The following DUSP16 variants were observed in gnomAD, a reference collection of about 807,000 sequenced individuals.
The protein encoded by DUSP16 is dual specificity protein phosphatase 16.
Under a neutral mutation model 58.3 loss-of-function variants are expected in DUSP16, and 21 were observed. The ratio of observed to expected loss-of-function variants is 0.36; its 90% CI spans 0.26 to 0.52. The LOEUF is 0.52. Among genes scored for constraint, DUSP16 ranks in the 20% least tolerant of loss-of-function variants. DUSP16 has a pLI of 0.94. For missense variants in DUSP16, 726 were observed against 819.0 expected, an observed-to-expected ratio of 0.89 and a Z score of 1.39; for synonymous variants, 320 against 323.8, an observed-to-expected ratio of 0.99 and a Z score of 0.12.
intron 1 of DUSP16, among the ~76,000 whole-genome samples, chr12:12,548,411 G>A (rs1944677725): frequency 6.6e-6 from 1 of 151,946 alleles, no homozygotes; most frequent in African/African-American, 2.4e-5. Context: ...CGAGGCAGGC[G>A]GCCTGAGGTC....
intron 1 of DUSP16, among the ~76,000 whole-genome samples, chr12:12,538,682 T>G (rs61913556): frequency 6.6e-6 from 1 of 152,178 alleles, no homozygotes; most frequent in Non-Finnish European, 1.5e-5. Flanking sequence ...CAGCCTGCCA[T>G]GAAGTTACAG....
chr12:12,500,390 G>C (rs1408394524), intron 4 of DUSP16, 129 bp downstream of exon 4: 2 of 1,083,728 alleles, frequency 1.8e-6, no homozygotes, highest in East Asian at 2.7e-5. Flanking sequence ...CTGTTACCTG[G>C]GGAGCACACT....
At chr12:12,482,020 G>A (rs1399989273) in intron 5 of DUSP16, among the ~76,000 whole-genome samples, 1 of 152,222 alleles carries the variant, frequency 6.6e-6, no homozygotes, top group African/African-American at 2.4e-5. Context: ...ATGTGTATGT[G>A]TGAGAATATG....
rs1944922731 is a variant in DUSP16 at position 12,562,504 on chromosome 12, C to G, written c.-753G>C. ...GGGGGGAGAGAGAGGTGGTAATAAT[C>G]GTTTAAAAACTGATTAAAGCCCCCC... On this transcript the variant is annotated 5_prime_UTR_variant, in exon 1 of 7. Coordinates refer to ENST00000298573, the MANE Select transcript of DUSP16 (RefSeq NM_030640.3). 1 of 126,188 alleles carries G rather than the reference C, an allele frequency of 7.9e-6. No homozygotes were observed. The highest frequency in any genetic ancestry group is 3.1e-5 in the African/African-American group (1 of 32,174). The allele number at this position is 126,188 out of a possible 1,614,324, so 7.8% of individuals were successfully genotyped here.
Position 12,477,747 on chromosome 12 carries a change from T to C in DUSP16, c.1084A>G (p.Ser362Gly). Residue 362 changes from serine (S) to glycine (G), a missense_variant, in exon 7 of 7, where the codon AGC (serine) becomes GGC (glycine). Physicochemically the swap from Ser to Gly is moderately conservative, Grantham distance 56. Transcript: ENST00000298573. This position sits in a 1 kb window ranked among gnomAD's most constrained non-coding sequence, Gnocchi z 4.1. ...AGCGACGGCTGCACGCTGGGCACGC[T>C]GGGCACGCTGGCGGGATGCACGGGC... ...QRPVHPASVPSVPSVQPSLLE... is the reference protein window; with the variant it reads ...QRPVHPASVPGVPSVQPSLLE... The C allele has an allele frequency of 1.9e-6, 3 of 1,613,586 alleles. No individual in the cohort carries two copies. The highest frequency in any genetic ancestry group is 2.2e-5 in the East Asian group (1 of 44,848).
In DUSP16 at chr12:12,562,600, T is replaced by C. The variant is rs1944924805; in HGVS notation, c.-849A>G. 6.7e-6 allele frequency among the ~76,000 whole-genome samples: 1 copy of C among 150,204 alleles called. No homozygotes were observed. Among genetic ancestry groups the C allele is most frequent in the African/African-American group, 2.5e-5 (1 of 40,730 alleles). On this transcript the variant is annotated 5_prime_UTR_variant, in exon 1 of 7. Transcript: ENST00000298573. ...GGGGGGTTGGGGGAAAGAGAAAGAG[T>C]CGCTGGTCAGGAAACTTCAAGCGCG...
intron 1 of DUSP16, among the ~76,000 whole-genome samples, chr12:12,544,585 A>G (rs1396357628): frequency 6.6e-6 from 1 of 152,082 alleles, no homozygotes; most frequent in East Asian, 1.9e-4. Flanking sequence ...TCCATACATG[A>G]GGGTTCTAGT....
At chr12:12,535,582 C>T (rs184943734) in intron 1 of DUSP16, among the ~76,000 whole-genome samples, 5 of 152,202 alleles carry the variant, frequency 3.3e-5, no homozygotes, top group Admixed American at 3.3e-4. Context: ...CTCTAAAATA[C>T]CAATATGTCA....
At chr12:12,549,108 G>A (rs960352495) in intron 1 of DUSP16, among the ~76,000 whole-genome samples, 1 of 151,954 alleles carries the variant, frequency 6.6e-6, no homozygotes, top group Non-Finnish European at 1.5e-5. Flanking sequence ...ATGAGTAACT[G>A]CCCAAAACCC....
chr12:12,507,196 C>G (rs151304574), intron 3 of DUSP16, among the ~76,000 whole-genome samples: 180 of 152,260 alleles, frequency 1.2e-3, no homozygotes, highest in Non-Finnish European at 2.0e-3. Flanking sequence ...ACATAATAAA[C>G]AAAAGTAGCA....
At chr12:12,504,351 T>A (rs1943953680) in intron 3 of DUSP16, among the ~76,000 whole-genome samples, 1 of 152,080 alleles carries the variant, frequency 6.6e-6, no homozygotes, top group Non-Finnish European at 1.5e-5. Context: ...AACCTCTGCC[T>A]CCCAGGCTCA....
At chr12:12,544,922 C>A (rs1190326945) in intron 1 of DUSP16, among the ~76,000 whole-genome samples, 1 of 152,078 alleles carries the variant, frequency 6.6e-6, no homozygotes, top group African/African-American at 2.4e-5. Flanking sequence ...CCATTTTAAT[C>A]ATAAATTAGT....
At position 12,477,394 on chromosome 12, in the gene DUSP16, G is replaced by C; in HGVS notation, c.1437C>G (p.Ser479Arg). The change falls in exon 7 of 7, where the codon AGC becomes AGG. Residue 479 changes from serine to arginine, a missense_variant. By Grantham distance (110) the Ser-to-Arg change is moderately radical (BLOSUM62 -1). Coordinates refer to ENST00000298573, the MANE Select transcript of DUSP16 (RefSeq NM_030640.3). The surrounding 1 kb of genome is among the most constrained non-coding windows in gnomAD (Gnocchi z 4.1). ...TGACCGAATGCAATCGCTTGCTCTG[G>C]CTGTCTGAAGGCCTGGCGGTCTGCA... ...KKLQTARPSD[S>R]QSKRLHSVRT... is the part of the protein sequence containing the mutation. 1 of 1,612,944 alleles carries C rather than the reference G, an allele frequency of 6.2e-7. No homozygotes were observed. Among genetic ancestry groups the C allele is most frequent in the Non-Finnish European group, 8.5e-7 (1 of 1,179,270 alleles).
chr12:12,547,044 C>T (rs1004856170), intron 1 of DUSP16, among the ~76,000 whole-genome samples: 3 of 152,160 alleles, frequency 2.0e-5, no homozygotes, highest in Non-Finnish European at 2.9e-5. Flanking sequence ...TTTAGAAATA[C>T]TTCTTTATAC....
Position 12,477,563 on chromosome 12 carries a change from G to A in DUSP16, c.1268C>T (p.Ser423Leu). Residue 423 changes from serine (S) to leucine (L), a missense_variant, in exon 7 of 7, where the codon TCA (serine) becomes TTA (leucine). By Grantham distance (145) the Ser-to-Leu change is moderately radical. Coordinates refer to ENST00000298573, the MANE Select transcript of DUSP16 (RefSeq NM_030640.3). The surrounding 1 kb of genome is among the most constrained non-coding windows in gnomAD (Gnocchi z 4.1). ...TTTGTAGTATTCCAAAGCATCTTCTGATGAGGAGAAGCCATGTAAGGATGC... is the reference window on the plus strand; with the variant it reads ...TTTGTAGTATTCCAAAGCATCTTCTAATGAGGAGAAGCCATGTAAGGATGC... ...MAASLHGFSS[S>L]EDALEYYKPS... 6 of 1,613,290 alleles carry A rather than the reference G, an allele frequency of 3.7e-6. No individual in the cohort carries two copies. Among genetic ancestry groups the A allele is most frequent in the Non-Finnish European group, 5.1e-6 (6 of 1,179,510 alleles).
Position 12,476,237 on chromosome 12 carries a change from T to C in DUSP16, c.*596A>G, listed in dbSNP as rs1343775552. 2 of 152,700 alleles carry C rather than the reference T, an allele frequency of 1.3e-5. No homozygotes were observed. Among genetic ancestry groups the C allele is most frequent in the African/African-American group, 2.4e-5 (1 of 41,462 alleles). 9.5% of individuals were successfully genotyped at this position (152,700 alleles called of 1,614,324 possible). A position where few individuals can be genotyped will look rare whatever the true frequency, so the allele number is the denominator to read the frequency against. On this transcript the variant is annotated 3_prime_UTR_variant, in exon 7 of 7. Transcript: ENST00000298573. ...GCCCCGACTTTCCTGTCTGAGGTACTGGGTTTGCTCTAAGGTAGACCTTGG... is the reference window on the plus strand; with the variant it reads ...GCCCCGACTTTCCTGTCTGAGGTACCGGGTTTGCTCTAAGGTAGACCTTGG...
At chr12:12,558,450 T>C (rs1169735415) in intron 1 of DUSP16, among the ~76,000 whole-genome samples, 1 of 151,982 alleles carries the variant, frequency 6.6e-6, no homozygotes, top group Non-Finnish European at 1.5e-5. Context: ...AGTGCCATCA[T>C]AGCTCACTGC....
chr12:12,510,612 T>C (rs1411200353), intron 3 of DUSP16, among the ~76,000 whole-genome samples: 1 of 152,192 alleles, frequency 6.6e-6, no homozygotes, highest in African/African-American at 2.4e-5. Flanking sequence ...TACTATGAGT[T>C]TGACATAGCG....
chr12:12,476,806 CTA>C lies in DUSP16; in HGVS notation c.*25_*26del. On this transcript the variant is annotated 3_prime_UTR_variant, in exon 7 of 7. Coordinates refer to ENST00000298573, the MANE Select transcript of DUSP16 (RefSeq NM_030640.3). ...TTTGTGAACAAGAAAAAAAAATTGT[CTA>C]TAGAAGTCACAAGTGTCTTTCTTCT... The C allele has an allele frequency of 6.5e-7, 1 of 1,537,592 alleles. No homozygotes were observed. Among genetic ancestry groups the C allele is most frequent in the Admixed American group, 2.1e-5 (1 of 48,198 alleles).
Sources: allele counts gnomAD v4.1 joint callset (sites outside exome capture counted in the v4.1 genomes callset), GRCh38; gene constraint gnomAD v4.1.1; non-coding constraint Gnocchi (gnomAD v3.1); transcripts MANE v1.5; gene names NCBI Gene and HGNC (gene_info 2026-07-23, HGNC 2026-07-21).